TTLL5: variants seen among roughly 807,000 people sequenced by gnomAD.
TTLL5 encodes the protein tubulin tyrosine ligase like 5.
TTLL5 carries 132 observed loss-of-function variants against 168.4 expected under a neutral mutation model. The ratio of observed to expected loss-of-function variants is 0.78; its 90% CI spans 0.68 to 0.91. TTLL5 has a LOEUF of 0.91. Among genes scored for constraint, TTLL5 ranks in the 40% least tolerant of loss-of-function variants. TTLL5 has a pLI of 0.00. For synonymous variants in TTLL5, 546 were observed against 558.6 expected (o/e 0.98, Z 0.32); for missense variants, 1,545 against 1,581.5 (o/e 0.98, Z 0.39).
chr14:75,914,033 A>AAAAAAAAAAAAAAAAATATATATAT, intron 31 of TTLL5, among the ~76,000 whole-genome samples: 23 of 71,080 alleles, frequency 3.2e-4, no homozygotes, highest in South Asian at 5.5e-4. Context: ...AAAAAAAAAA[A>AAAAAAAAAAAAAAAAATATATATAT]ATATATATAT....
chr14:75,914,675 A>G (rs571839840), intron 31 of TTLL5, among the ~76,000 whole-genome samples: 17 of 147,136 alleles, frequency 1.2e-4, no homozygotes, highest in South Asian at 4.3e-4. Flanking sequence ...CCAGGCTGGA[A>G]TGCAATGGCC....
intron 1 of TTLL5, 26 bp downstream of exon 1, chr14:75,661,413 C>G (rs1890709660): frequency 6.6e-6 from 1 of 152,436 alleles, no homozygotes; most frequent in Non-Finnish European, 1.5e-5. Context: ...CGCGCGCTTC[C>G]CTACCCTAGG....
chr14:75,782,312 T>A (rs992047497), intron 24 of TTLL5, among the ~76,000 whole-genome samples, 175 bp from the exon 25 acceptor site: 3 of 152,180 alleles, frequency 2.0e-5, no homozygotes, highest in Admixed American at 2.0e-4. Flanking sequence ...TTTAATTGGT[T>A]GCCTACTCCT....
At chr14:75,894,742 A>T (rs937082944) in intron 30 of TTLL5, among the ~76,000 whole-genome samples, 5 of 152,242 alleles carry the variant, frequency 3.3e-5, no homozygotes, top group African/African-American at 1.2e-4. Flanking sequence ...TACATAAAGT[A>T]AAATATCAAC....
chr14:75,661,489 C>T (rs1208708879), intron 1 of TTLL5, 102 bp downstream of exon 1: 1 of 152,306 alleles, frequency 6.6e-6, no homozygotes, highest in Non-Finnish European at 1.5e-5. Context: ...CCGGGAGTAG[C>T]TGTTGGCTTC....
At chr14:75,867,128 A>G (rs1260208832) in intron 29 of TTLL5, among the ~76,000 whole-genome samples, 1 of 152,182 alleles carries the variant, frequency 6.6e-6, no homozygotes, top group Non-Finnish European at 1.5e-5. Flanking sequence ...TGTTGCAACT[A>G]CTCAGCTCTG....
At chr14:75,838,096 T>A (rs1445133833) in intron 28 of TTLL5, 1 of 152,222 alleles carries the variant, frequency 6.6e-6, no homozygotes, top group Non-Finnish European at 1.5e-5. Context: ...AATTATTCAC[T>A]TTATTTTTCC....
chr14:75,887,398 C>T, intron 30 of TTLL5: 1 of 862,838 alleles, frequency 1.2e-6, no homozygotes. Flanking sequence ...TTGAGGTGAG[C>T]ATAGAAGATA....
intron 1 of TTLL5, among the ~76,000 whole-genome samples, chr14:75,662,225 C>T (rs746734275): frequency 3.0e-4 from 46 of 151,876 alleles, no homozygotes; most frequent in Non-Finnish European, 6.0e-4. Flanking sequence ...AGAATATATT[C>T]ATCTTTCGGT....
chr14:75,767,135 C>A lies in TTLL5; in HGVS notation c.2015+767C>A, dbSNP rs187433767. On this transcript the variant is annotated intron_variant, in intron 20 of 31. Transcript: ENST00000298832. The stretch of plus-strand genomic sequence containing the variant: ...CCAAGATTGTGCCATTGCACTCCAG[C>A]CTGGGCAACAAGAGTGAAACTCCAT... 5.9e-3 allele frequency among the ~76,000 whole-genome samples: 872 copies of A among 148,750 alleles called. 14 individuals are homozygous for A. The highest frequency in any genetic ancestry group is 0.02 in the African/African-American group (807 of 40,176).
rs754769449 is a variant in TTLL5, at chr14:75,792,949, T to C, written c.3020T>C (p.Ile1007Thr). 8.1e-6 allele frequency: 13 copies of C among 1,611,008 alleles called. No homozygotes were observed. In the African/African-American group the frequency reaches 1.6e-4, roughly 20 times the overall value. ...TATCTAAACAAGCATCATTCAGGAA[T>C]AGCCAAAACACAAAAAGAGGGAGAA... ...SCYLNKHHSG[I>T]AKTQKEGEDA... Residue 1007 changes from isoleucine (I) to threonine (T), a missense_variant, in exon 27 of 32, where the codon ATA becomes ACA. Transcript: ENST00000298832.
chr14:75,818,715 G>A (rs1894648171), intron 27 of TTLL5, among the ~76,000 whole-genome samples: 1 of 149,524 alleles, frequency 6.7e-6, no homozygotes, highest in South Asian at 2.1e-4. Flanking sequence ...TAGCCAGGCT[G>A]GTCTCGGTCT....
Position 75,820,173 on chromosome 14 carries a change from G to A in TTLL5, c.3326+12G>A, listed in dbSNP as rs1363034320. 1.5e-5 allele frequency: 23 copies of A among 1,563,700 alleles called. No homozygotes were observed. The highest frequency in any genetic ancestry group is 2.0e-5 in the Non-Finnish European group (23 of 1,159,388). On this transcript the variant is annotated intron_variant, in intron 28 of 31. Transcript: ENST00000298832. Reference sequence around the variant, plus strand: ...TCTCCTGGAAGCAGGTATGTGAAGGGCCCTGCAACTAGCATTTGGGTTACT... The same window carrying A: ...TCTCCTGGAAGCAGGTATGTGAAGGACCCTGCAACTAGCATTTGGGTTACT...
chr14:75,883,019 C>A, intron 30 of TTLL5, 117 bp downstream of exon 30: 2 of 1,145,830 alleles, frequency 1.7e-6, no homozygotes, highest in Non-Finnish European at 2.4e-6. Context: ...AGAACACCTG[C>A]TGGGAAATAA....
At chr14:75,738,187 G>A (rs956241412) in intron 15 of TTLL5, among the ~76,000 whole-genome samples, 1 of 152,122 alleles carries the variant, frequency 6.6e-6, no homozygotes, top group Admixed American at 6.5e-5. Flanking sequence ...GTTTTTGTTA[G>A]CAGTATTTGA....
intron 12 of TTLL5, among the ~76,000 whole-genome samples, chr14:75,721,620 C>T (rs1887842253): frequency 6.6e-6 from 1 of 152,120 alleles, no homozygotes; most frequent in African/African-American, 2.4e-5. Context: ...TTGTGATTTT[C>T]AGCAAGTTAC....
At chr14:75,670,541 G>A (rs1049829888) in intron 3 of TTLL5, among the ~76,000 whole-genome samples, 2 of 152,206 alleles carry the variant, frequency 1.3e-5, no homozygotes, top group Non-Finnish European at 2.9e-5. Context: ...CGTCAACAAC[G>A]TATAGGGGTT....
intron 6 of TTLL5, among the ~76,000 whole-genome samples, chr14:75,697,845 T>A (rs1159736302): frequency 6.6e-6 from 1 of 152,194 alleles, no homozygotes; most frequent in Admixed American, 6.5e-5. Context: ...TGCTGTTGTA[T>A]TCTAGATAAA....
intron 9 of TTLL5, among the ~76,000 whole-genome samples, chr14:75,715,723 G>A (rs1251079216): frequency 6.6e-6 from 1 of 151,662 alleles, no homozygotes; most frequent in Non-Finnish European, 1.5e-5. Flanking sequence ...AGAATTCCAC[G>A]CTTTGATATT....
Sources: gnomAD v4.1 joint callset for allele counts (sites outside exome capture counted in the v4.1 genomes callset) on GRCh38, gnomAD v4.1.1 for gene constraint, MANE v1.5 for transcripts, NCBI Gene and HGNC (gene_info 2026-07-23, HGNC 2026-07-21) for gene names.